NOD2: variants seen among roughly 807,000 people sequenced by gnomAD.
The protein encoded by NOD2 is nucleotide binding oligomerization domain containing 2.
In NOD2, 86 loss-of-function variants were observed where a neutral mutation model predicts 90.9. The observed-to-expected ratio is 0.95, with a 90% CI of 0.79 to 1.13. The LOEUF (loss-of-function observed/expected upper bound fraction) is 1.13, where lower values mean the gene tolerates loss of function less well. NOD2 is among the 50% of genes most tolerant of loss of function. The pLI is 0.00. For missense variants in NOD2, 1,238 were observed against 1,283.8 expected, an observed-to-expected ratio of 0.96 and a Z score of 0.55; for synonymous variants, 581 against 554.6, an observed-to-expected ratio of 1.05 and a Z score of -0.67.
At chr16:50,727,732 G>C (rs1965316053) in intron 10 of NOD2, 1 of 356,888 alleles carries the variant, frequency 2.8e-6, no homozygotes, top group Non-Finnish European at 5.6e-6. Flanking sequence ...TGTTGTCGTG[G>C]AGAATTGGAC....
Position 50,712,142 on chromosome 16 carries a change from G to A in NOD2, c.2150G>A (p.Arg717Gln), listed in dbSNP as rs751849531. The A allele has an allele frequency of 1.7e-5, 27 of 1,614,118 alleles. No individual in the cohort carries two copies. Among genetic ancestry groups the A allele is most frequent in the East Asian group, 2.2e-5 (1 of 44,888 alleles). ...ATGCCCGGGTTCATCTGGCTCATCC[G>A]GAGCCTGTACGAGATGCAGGAGGAG... is the stretch of plus-strand genomic sequence containing the variant. Reference protein sequence around the residue: ...HAMPGFIWLIRSLYEMQEERL... With the variant: ...HAMPGFIWLIQSLYEMQEERL... Residue 717 changes from arginine (R) to glutamine (Q), a missense_variant, in exon 4 of 12, where the codon CGG (arginine) becomes CAG (glutamine). By Grantham distance (43) the Arg-to-Gln change is conservative. This residue lies in a region of NOD2 where 667 missense variants were observed against 688.7 expected (regional missense o/e 0.97). Coordinates refer to ENST00000647318, the MANE Select transcript of NOD2 (RefSeq NM_001370466.1).
At chr16:50,696,200 C>G (rs1222066985) in intron 1 of NOD2, 1 of 152,262 alleles carries the variant, frequency 6.6e-6, no homozygotes, top group Non-Finnish European at 1.5e-5. Flanking sequence ...GATTTCAGCA[C>G]TTAAGCAAAG....
chr16:50,722,295 TA>T (rs1965094545), intron 7 of NOD2, among the ~76,000 whole-genome samples: 1 of 152,262 alleles, frequency 6.6e-6, no homozygotes, highest in Admixed American at 6.5e-5. Context: ...GTATCTGAAC[TA>T]AGTGTCAGAA....
chr16:50,725,487 A>G lies in NOD2; in HGVS notation c.2802-2A>G, dbSNP rs564226539. Reference sequence around the variant, plus strand: ...CTGGATTTTCTCTCTTCTTCTCACCAGCCTGGAGGAGAACCATCTCCAGGA... The same window carrying G: ...CTGGATTTTCTCTCTTCTTCTCACCGGCCTGGAGGAGAACCATCTCCAGGA... On this transcript the variant is annotated splice_acceptor_variant, in intron 9 of 11. Coordinates refer to ENST00000647318, the MANE Select transcript of NOD2 (RefSeq NM_001370466.1). LOFTEE classifies it high-confidence loss of function. The G allele has an allele frequency of 1.7e-5, 27 of 1,612,398 alleles. 1 individual carries two copies. The South Asian group carries it at 1.8e-4, about 10-fold the overall frequency.
chr16:50,712,175 C>G lies in NOD2; in HGVS notation c.2183C>G (p.Ala728Gly). Residue 728 changes from alanine to glycine, a missense_variant, in exon 4 of 12, where the codon GCT (alanine) becomes GGT (glycine). By Grantham distance (60) the Ala-to-Gly change is moderately conservative (BLOSUM62 0). Around this residue, in one of 3 missense-constraint regions of NOD2, gnomAD observed 667 missense variants for 688.7 expected, o/e 0.97. Coordinates refer to ENST00000647318, the MANE Select transcript of NOD2 (RefSeq NM_001370466.1). ...TACGAGATGCAGGAGGAGCGGCTGG[C>G]TCGGAAGGCTGCACGTGGCCTGAAT... is the stretch of plus-strand genomic sequence containing the variant. ...SLYEMQEERLARKAARGLNVG... is the reference protein window; with the variant it reads ...SLYEMQEERLGRKAARGLNVG... 1 of 1,613,954 alleles carries G rather than the reference C, an allele frequency of 6.2e-7. No homozygotes were observed. Among genetic ancestry groups the G allele is most frequent in the East Asian group, 2.2e-5 (1 of 44,890 alleles).
chr16:50,728,655 A>G (rs1965349485), intron 10 of NOD2, among the ~76,000 whole-genome samples: 1 of 152,224 alleles, frequency 6.6e-6, no homozygotes, highest in African/African-American at 2.4e-5. Flanking sequence ...GGCAATTACA[A>G]TTGGCATTGC....
chr16:50,704,846 A>G (rs1964113548), intron 2 of NOD2, among the ~76,000 whole-genome samples: 1 of 152,212 alleles, frequency 6.6e-6, no homozygotes, highest in Non-Finnish European at 1.5e-5. Flanking sequence ...CTCTTTCTGG[A>G]AGCTTTTAAA....
At position 50,732,577 on chromosome 16, in the gene NOD2, C is replaced by G. The variant is rs564290737; in HGVS notation, c.*758C>G. The G allele has an allele frequency of 6.6e-6, 1 of 152,456 alleles. No individual in the cohort carries two copies. The highest frequency in any genetic ancestry group is 2.4e-5 in the African/African-American group (1 of 41,460). 9.4% of individuals were successfully genotyped at this position (152,456 alleles called of 1,614,324 possible). On this transcript the variant is annotated 3_prime_UTR_variant, in exon 12 of 12. Coordinates refer to ENST00000647318, the MANE Select transcript of NOD2 (RefSeq NM_001370466.1). ...CACTCCAGCTGGGATCACATGTGGA[C>G]TTTTATTTCCAGTGAAATCAGTTAC...
intron 4 of NOD2, chr16:50,713,081 G>C (rs765017829): frequency 2.6e-5 from 4 of 154,842 alleles, no homozygotes; most frequent in Non-Finnish European, 5.7e-5. Context: ...CCCTGAACTC[G>C]GGGGCCTCTT....
intron 10 of NOD2, chr16:50,728,023 G>T: frequency 7.9e-6 from 2 of 252,726 alleles, no homozygotes; most frequent in South Asian, 9.3e-5. Flanking sequence ...ATCAAGAAAT[G>T]GTTCGCTGTT....
rs536639418 is a variant in NOD2 at position 50,721,657 on chromosome 16, C to T, written c.2634-965C>T. 6.6e-5 allele frequency among the ~76,000 whole-genome samples: 10 copies of T among 151,932 alleles called. No individual in the cohort carries two copies. The South Asian group carries it at 1.5e-3, about 22-fold the overall frequency. On this transcript the variant is annotated intron_variant, in intron 7 of 11. Coordinates refer to ENST00000647318, the MANE Select transcript of NOD2 (RefSeq NM_001370466.1). ...ACAGGCACAAGCCACCATGCCTGGC[C>T]GATATTTTTATGTTTTGTAGAGACG...
chr16:50,722,838 C>T lies in NOD2; in HGVS notation c.2717+133C>T, dbSNP rs542474763. ...TAGGCAATGGAGTAAGGAAAAAAGA[C>T]CATTGGATTTCAAGAGAGGACACTC... On this transcript the variant is annotated intron_variant, in intron 8 of 11. Transcript: ENST00000647318. The T allele has an allele frequency of 9.6e-5, 82 of 857,864 alleles. No homozygotes were observed. The African/African-American group carries it at 1.1e-3, about 11-fold the overall frequency. The allele number at this position is 857,864 out of a possible 1,614,324, so 53.1% of individuals were successfully genotyped here.
intron 7 of NOD2, among the ~76,000 whole-genome samples, chr16:50,722,331 C>T (rs1320893291): frequency 2.0e-5 from 3 of 152,238 alleles, no homozygotes; most frequent in Non-Finnish European, 4.4e-5. Context: ...GTAAATTACT[C>T]TTGTCAGTGA....
intron 1 of NOD2, among the ~76,000 whole-genome samples, chr16:50,694,897 A>G (rs1963573738): frequency 6.6e-6 from 1 of 152,032 alleles, no homozygotes; most frequent in Admixed American, 6.5e-5. Context: ...CTACGAGTAA[A>G]ACAAAGCTGG....
rs780975637 is a variant in NOD2, at chr16:50,716,934, G to A, written c.2509G>A (p.Ala837Thr). 6.2e-7 allele frequency: 1 copy of A among 1,614,238 alleles called. No homozygotes were observed. Among genetic ancestry groups the A allele is most frequent in the Non-Finnish European group, 8.5e-7 (1 of 1,180,032 alleles). Residue 837 changes from alanine to threonine, a missense_variant, in exon 6 of 12, where the codon GCT (alanine) becomes ACT (threonine). By Grantham distance (58) the Ala-to-Thr change is moderately conservative. Coordinates refer to ENST00000647318, the MANE Select transcript of NOD2 (RefSeq NM_001370466.1). The stretch of plus-strand genomic sequence containing the variant: ...GACTGACGGCTGTGCACACTCCATG[G>A]CTAAGCTCCTTGCATGCAGGCAGAA... ...KLTDGCAHSM[A>T]KLLACRQNFL...
At chr16:50,731,400 C>T (rs1036859682) in intron 11 of NOD2, among the ~76,000 whole-genome samples, 7 of 152,194 alleles carry the variant, frequency 4.6e-5, no homozygotes, top group Admixed American at 4.6e-4. Flanking sequence ...ATGTTATTTG[C>T]TGCCTGTTGA....
rs1373524198 is a variant in NOD2 at position 50,716,947 on chromosome 16, C to T, written c.2522C>T (p.Ala841Val). The change falls in exon 6 of 12, where the codon GCA becomes GTA. Residue 841 changes from alanine to valine, a missense_variant. Transcript: ENST00000647318. ...GCACACTCCATGGCTAAGCTCCTTG[C>T]ATGCAGGCAGAACTTCTTGGCATTG... is the stretch of plus-strand genomic sequence containing the variant. ...GCAHSMAKLLACRQNFLALRL... is the reference protein window; with the variant it reads ...GCAHSMAKLLVCRQNFLALRL... 3.1e-6 allele frequency: 5 copies of T among 1,614,140 alleles called. No homozygotes were observed. Among genetic ancestry groups the T allele is most frequent in the Admixed American group, 1.7e-5 (1 of 60,016 alleles).
intron 2 of NOD2, among the ~76,000 whole-genome samples, chr16:50,704,211 C>G (rs769377024): frequency 1.3e-5 from 2 of 152,154 alleles, no homozygotes; most frequent in Non-Finnish European, 1.5e-5. Context: ...AACTGGTGGC[C>G]ATCTACTTAT....
intron 1 of NOD2, among the ~76,000 whole-genome samples, chr16:50,695,198 C>A (rs373875308): frequency 2.0e-5 from 3 of 151,866 alleles, no homozygotes; most frequent in East Asian, 1.9e-4. Context: ...GCCCGTTGAG[C>A]GGATCATTGC....
Sources: gnomAD v4.1 joint callset for allele counts (sites outside exome capture counted in the v4.1 genomes callset) on GRCh38, gnomAD v4.1.1 for gene constraint, gnomAD v4.1.1 regional missense constraint, MANE v1.5 for transcripts, NCBI Gene and HGNC (gene_info 2026-07-23, HGNC 2026-07-21) for gene names.